Variants in GLOD4 observed in about 807,000 individuals in gnomAD.
The protein encoded by GLOD4 is glyoxalase domain containing 4, also known as glyoxalase domain-containing protein 4.
Under a neutral mutation model 39.1 loss-of-function variants are expected in GLOD4, and 44 were observed. The observed-to-expected ratio is 1.13, with a 90% CI of 0.88 to 1.45. The LOEUF (loss-of-function observed/expected upper bound fraction) is 1.45. Among genes scored for constraint, GLOD4 ranks in the 40% most tolerant of loss-of-function variants. GLOD4 has a pLI of 0.00. For missense variants in GLOD4, 405 were observed against 366.4 expected (o/e 1.11, Z -0.86); for synonymous variants, 145 against 135.0 (o/e 1.07, Z -0.52).
chr17:782,981 C>G, upstream of GLOD4: 1 of 1,484,798 alleles, frequency 6.7e-7, no homozygotes, highest in Non-Finnish European at 9.0e-7. Flanking sequence ...AGCCACCGCG[C>G]CCGGCCCTCT....
intron 8 of GLOD4, among the ~76,000 whole-genome samples, chr17:763,362 G>T (rs1390695331): frequency 6.6e-6 from 1 of 151,602 alleles, no homozygotes; most frequent in Non-Finnish European, 1.5e-5. Flanking sequence ...ACAAAAATTA[G>T]CTGGACATGG....
chr17:770,174 G>C lies in GLOD4; in HGVS notation c.631-17C>G. On this transcript the variant is annotated splice_polypyrimidine_tract_variant and intron_variant, in intron 6 of 8. Coordinates refer to ENST00000301329, the MANE Select transcript of GLOD4 (RefSeq NM_016080.4). ...GTCTGGCAACTTGAGGAAAACAGAG[G>C]CAACGTGAGCCAGGGGTCACACACT... The C allele has an allele frequency of 7.1e-7, 1 of 1,406,942 alleles. No homozygotes were observed. The highest frequency in any genetic ancestry group is 1.0e-6 in the Non-Finnish European group (1 of 992,802). 87.2% of individuals were successfully genotyped at this position (1,406,942 alleles called of 1,614,324 possible). A position where few individuals can be genotyped will look rare whatever the true frequency, so the allele number is the denominator to read the frequency against.
At chr17:776,300 AG>A (rs1187973401) in intron 3 of GLOD4, among the ~76,000 whole-genome samples, 1 of 152,218 alleles carries the variant, frequency 6.6e-6, no homozygotes, top group East Asian at 1.9e-4. Flanking sequence ...CAAACTATCA[AG>A]GTTTCCTTAC....
At chr17:772,384 A>C (rs1908132831) in intron 4 of GLOD4, among the ~76,000 whole-genome samples, 1 of 152,064 alleles carries the variant, frequency 6.6e-6, no homozygotes, top group Admixed American at 6.6e-5. Context: ...ATGATTATTT[A>C]TACAATTTTG....
chr17:782,288 G>T (rs758118005), upstream of GLOD4: 4 of 1,611,410 alleles, frequency 2.5e-6, no homozygotes, highest in Non-Finnish European at 2.5e-6. Flanking sequence ...CACGCGCACC[G>T]TACAGCCCAG....
At chr17:760,986 G>C (rs560863935) in intron 8 of GLOD4, among the ~76,000 whole-genome samples, 22 of 152,240 alleles carry the variant, frequency 1.4e-4, no homozygotes, top group Non-Finnish European at 2.8e-4. Flanking sequence ...ATAATGTTTT[G>C]GTTCCACAAG....
At chr17:781,843 T>G (rs1910015321) in intron 1 of GLOD4, 8 of 345,010 alleles carry the variant, frequency 2.3e-5, no homozygotes, top group East Asian at 1.5e-4. Context: ...CTAGAAAGCA[T>G]TATATAACAT....
At position 776,904 on chromosome 17, in the gene GLOD4, A is replaced by AT. The variant is rs1283630751; in HGVS notation, c.224dup (p.Tyr75Ter). The change falls in exon 3 of 9, where the codon TAT becomes TAAT. Residue 75 changes from tyrosine to a stop codon, truncating the protein, a stop_gained and frameshift_variant. Transcript: ENST00000301329. LOFTEE classifies it high-confidence loss of function. ...TGCCAAGCTTGTAGTCTCCGACGCC[A>AT]TAATTGTAAGTCAGTTCTGCGACAA... ...DHFVAELTYN[Y>*]GVGDYKLGND... 1 of 1,612,792 alleles carries AT rather than the reference A, an allele frequency of 6.2e-7. No homozygotes were observed. The highest frequency in any genetic ancestry group is 2.2e-5 in the East Asian group (1 of 44,904).
chr17:782,755 T>C, upstream of GLOD4: 1 of 1,502,630 alleles, frequency 6.7e-7, no homozygotes, highest in Admixed American at 2.0e-5. Context: ...AGCGGAACCT[T>C]AACCTCCTTC....
chr17:770,577 T>G (rs1239127201), intron 5 of GLOD4, 70 bp from the exon 6 acceptor site: 2 of 789,100 alleles, frequency 2.5e-6, no homozygotes, highest in East Asian at 2.4e-5. Context: ...GTAGAAAAAT[T>G]CAAATATTAT....
At chr17:785,163 TA>T (rs60370706), upstream of GLOD4, among the ~76,000 whole-genome samples, 2,266 of 147,180 alleles carry the variant, frequency 0.015, 66 homozygotes, top group African/African-American at 0.053. Context: ...GTGCTTGGCT[TA>T]AAAAAAAAAG....
At chr17:773,822 G>T (rs773361725) in intron 4 of GLOD4, among the ~76,000 whole-genome samples, 2 of 152,122 alleles carry the variant, frequency 1.3e-5, no homozygotes, top group Non-Finnish European at 2.9e-5. Flanking sequence ...ACAAATCCCA[G>T]TTGACTTGGA....
At chr17:766,890 C>T (rs1906671879) in intron 8 of GLOD4, among the ~76,000 whole-genome samples, 1 of 152,204 alleles carries the variant, frequency 6.6e-6, no homozygotes, top group Non-Finnish European at 1.5e-5. Flanking sequence ...CAGAGCTAGA[C>T]TCCATCTCAA....
chr17:761,036 T>C (rs1905330909), intron 8 of GLOD4, among the ~76,000 whole-genome samples: 2 of 152,212 alleles, frequency 1.3e-5, no homozygotes, highest in African/African-American at 2.4e-5. Flanking sequence ...CACTCATTTA[T>C]GTAGTCAAAA....
intron 6 of GLOD4, 37 bp downstream of exon 6, chr17:770,384 A>C (rs754764583): frequency 9.8e-7 from 1 of 1,023,240 alleles, no homozygotes; most frequent in South Asian, 1.3e-5. Context: ...TGAACTAGCT[A>C]GTCAGAAAGC....
rs1905180207 is a variant in GLOD4, at chr17:759,944, C to G, written c.*229G>C. ...CAGTTATATACAGAATGCGCAGTCC[C>G]AGCAACAGTGTAGATTACAGCAGGC... On this transcript the variant is annotated 3_prime_UTR_variant, in exon 9 of 9. Coordinates refer to ENST00000301329, the MANE Select transcript of GLOD4 (RefSeq NM_016080.4). 2.9e-5 allele frequency: 16 copies of G among 550,772 alleles called. 1 individual carries two copies. In the South Asian group the frequency reaches 3.7e-4, roughly 13 times the overall value. The allele number at this position is 550,772 out of a possible 1,614,324, so 34.1% of individuals were successfully genotyped here.
intron 8 of GLOD4, among the ~76,000 whole-genome samples, chr17:761,817 C>T (rs1905492205): frequency 6.6e-6 from 1 of 152,128 alleles, no homozygotes; most frequent in African/African-American, 2.4e-5. Flanking sequence ...CCTAAGAAAG[C>T]TTTTAAGTGT....
At chr17:761,691 A>T (rs1225394317) in intron 8 of GLOD4, among the ~76,000 whole-genome samples, 1 of 152,134 alleles carries the variant, frequency 6.6e-6, no homozygotes, top group Non-Finnish European at 1.5e-5. Flanking sequence ...TTTAGTAGAG[A>T]CAGGGTTTCA....
At chr17:779,289 G>A (rs1597588756) in intron 1 of GLOD4, among the ~76,000 whole-genome samples, 1 of 132,536 alleles carries the variant, frequency 7.5e-6, no homozygotes, top group East Asian at 2.3e-4. Flanking sequence ...ACTACAGCCT[G>A]GGTGACAAGA....
Sources: gnomAD v4.1 joint callset for allele counts (sites outside exome capture counted in the v4.1 genomes callset) on GRCh38, gnomAD v4.1.1 for gene constraint, MANE v1.5 for transcripts, NCBI Gene and HGNC (gene_info 2026-07-23, HGNC 2026-07-21) for gene names.